The following PTPRD variants were observed in gnomAD, a reference collection of about 807,000 sequenced individuals.
PTPRD encodes receptor-type tyrosine-protein phosphatase delta.
PTPRD carries 34 observed loss-of-function variants against 214.5 expected under a neutral mutation model. The ratio of observed to expected loss-of-function variants is 0.16; its 90% CI spans 0.12 to 0.21. The LOEUF is 0.21. Ranked by LOEUF, PTPRD falls within the 10% of genes least tolerant of loss-of-function variation. The probability of loss-of-function intolerance (pLI) is 1.00; values close to 1 mark genes in which losing one functional copy is unlikely to be tolerated. For missense variants in PTPRD, 2,545 were observed against 2,398.7 expected, an observed-to-expected ratio of 1.06 and a Z score of -1.27; for synonymous variants, 1,128 against 845.7, an observed-to-expected ratio of 1.33 and a Z score of -5.79.
At position 10,082,842 on chromosome 9, in the gene PTPRD, C is replaced by CACACAA. The variant is rs1555566929; in HGVS notation, c.-544-49053_-544-49052insTTGTGT. Among the ~76,000 whole-genome samples, 117 of 117,684 alleles carry CACACAA rather than the reference C, an allele frequency of 9.9e-4. 1 individual carries two copies. The highest frequency in any genetic ancestry group is 4.0e-3 in the African/African-American group (112 of 28,016). The allele number at this position is 117,684 out of a possible 152,430, so 77.2% of individuals were successfully genotyped here. ...ACACACACACACACACACACACAAACACACACACACACACACACACACCCT... is the reference window on the plus strand; with the variant it reads ...ACACACACACACACACACACACAAACACACAAACACACACACACACACACACACCCT... On this transcript the variant is annotated intron_variant, in intron 3 of 45. Coordinates refer to ENST00000381196, the MANE Select transcript of PTPRD (RefSeq NM_002839.4).
chr9:8,826,516 G>A (rs1372430372), intron 11 of PTPRD, among the ~76,000 whole-genome samples: 1 of 151,920 alleles, frequency 6.6e-6, no homozygotes, highest in African/African-American at 2.4e-5. Flanking sequence ...GTTATTTCCT[G>A]CCTTTTATCC....
At chr9:8,577,283 T>C (rs1303573026) in intron 14 of PTPRD, among the ~76,000 whole-genome samples, 4 of 152,174 alleles carry the variant, frequency 2.6e-5, no homozygotes, top group African/African-American at 9.7e-5. Context: ...AGATGGAGTT[T>C]CGCTCTTGTT....
intron 12 of PTPRD, among the ~76,000 whole-genome samples, chr9:8,696,485 G>A (rs926066079): frequency 2.0e-5 from 3 of 152,184 alleles, no homozygotes; most frequent in Non-Finnish European, 4.4e-5. Context: ...ATCCAGATGG[G>A]ACGTGTTATG....
intron 7 of PTPRD, among the ~76,000 whole-genome samples, chr9:9,613,506 C>T (rs2094661452): frequency 2.0e-5 from 3 of 152,088 alleles, no homozygotes; most frequent in Non-Finnish European, 4.4e-5. Context: ...ATGATGTTTA[C>T]AGAAGGATCT....
At chr9:9,432,088 T>TAAC (rs1404227517) in intron 8 of PTPRD, among the ~76,000 whole-genome samples, 6 of 136,194 alleles carry the variant, frequency 4.4e-5, no homozygotes, top group African/African-American at 1.4e-4. Flanking sequence ...ATAATAATAA[T>TAAC]AAAAGAAACA....
intron 6 of PTPRD, among the ~76,000 whole-genome samples, chr9:9,757,004 G>T (rs1047088983): frequency 6.6e-6 from 1 of 152,092 alleles, no homozygotes; most frequent in Non-Finnish European, 1.5e-5. Flanking sequence ...TACTTTTATA[G>T]AATCACTGTT....
intron 3 of PTPRD, among the ~76,000 whole-genome samples, chr9:10,217,932 C>T (rs2099549101): frequency 6.6e-6 from 1 of 151,894 alleles, no homozygotes; most frequent in Non-Finnish European, 1.5e-5. Flanking sequence ...CCTGACTCTT[C>T]CCATAGAAGC....
At chr9:9,931,113 A>G (rs902646319) in intron 5 of PTPRD, among the ~76,000 whole-genome samples, 2 of 152,164 alleles carry the variant, frequency 1.3e-5, no homozygotes, top group Non-Finnish European at 2.9e-5. Flanking sequence ...TTATGAAACA[A>G]TTTAATTGAC....
At chr9:10,578,890 C>T (rs1014715131) in intron 2 of PTPRD, among the ~76,000 whole-genome samples, 1 of 152,036 alleles carries the variant, frequency 6.6e-6, no homozygotes, top group Admixed American at 6.6e-5. Flanking sequence ...TTTAAATCTA[C>T]ATTTTATCTT....
At chr9:10,036,942 G>T (rs2097195439) in intron 3 of PTPRD, among the ~76,000 whole-genome samples, 1 of 151,776 alleles carries the variant, frequency 6.6e-6, no homozygotes, top group African/African-American at 2.4e-5. Flanking sequence ...TGAGTGCAGT[G>T]GCATGATCAT....
Position 8,330,783 on chromosome 9 carries a change from G to A in PTPRD, c.5534+799C>T, listed in dbSNP as rs149756000. Among the ~76,000 whole-genome samples, 27 of 152,044 alleles carry A rather than the reference G, an allele frequency of 1.8e-4. 1 individual carries two copies. Among genetic ancestry groups the A allele is most frequent in the African/African-American group, 5.1e-4 (21 of 41,434 alleles). ...ATTTTGAGATCCTGCCTTCTATGTC[G>A]TAAAGAACTATAGTTTTCTTTGATG... On this transcript the variant is annotated intron_variant, in intron 44 of 45. Coordinates refer to ENST00000381196, the MANE Select transcript of PTPRD (RefSeq NM_002839.4).
chr9:8,831,433 G>A (rs977340444), intron 11 of PTPRD, among the ~76,000 whole-genome samples: 6 of 152,088 alleles, frequency 3.9e-5, no homozygotes, highest in African/African-American at 1.4e-4. Context: ...ACATTATACA[G>A]TCTACATACA....
intron 10 of PTPRD, among the ~76,000 whole-genome samples, chr9:9,178,833 C>G (rs950833605): frequency 6.6e-6 from 1 of 152,054 alleles, no homozygotes; most frequent in Admixed American, 6.6e-5. Flanking sequence ...TGGGAACATC[C>G]TGCTGAGCTT....
chr9:10,398,794 T>C (rs901373514), intron 2 of PTPRD, among the ~76,000 whole-genome samples: 4 of 152,002 alleles, frequency 2.6e-5, no homozygotes, highest in Admixed American at 2.0e-4. Context: ...TGCTATCATA[T>C]AATTATTACA....
At chr9:10,320,693 T>C (rs1597044146) in intron 3 of PTPRD, among the ~76,000 whole-genome samples, 2 of 152,078 alleles carry the variant, frequency 1.3e-5, no homozygotes, top group African/African-American at 2.4e-5. Flanking sequence ...ACTGAGACCA[T>C]TGATTTGAGG....
At chr9:9,004,499 T>C (rs563537724) in intron 11 of PTPRD, among the ~76,000 whole-genome samples, 1 of 151,990 alleles carries the variant, frequency 6.6e-6, no homozygotes, top group Non-Finnish European at 1.5e-5. Context: ...TACTTGGCTC[T>C]TGTTGGCTAA....
At chr9:9,826,747 T>C (rs1199566554) in intron 5 of PTPRD, among the ~76,000 whole-genome samples, 2 of 152,040 alleles carry the variant, frequency 1.3e-5, no homozygotes, top group Non-Finnish European at 2.9e-5. Context: ...TGATTATGTA[T>C]CTAGAAAACC....
intron 9 of PTPRD, among the ~76,000 whole-genome samples, chr9:9,229,078 C>T (rs541108226): frequency 3.3e-5 from 5 of 152,156 alleles, no homozygotes; most frequent in African/African-American, 1.2e-4. Context: ...ATGTGTTGAC[C>T]TTTTTGTTTC....
intron 4 of PTPRD, among the ~76,000 whole-genome samples, chr9:10,014,720 C>T (rs1236451056): frequency 6.6e-6 from 1 of 151,936 alleles, no homozygotes; most frequent in Non-Finnish European, 1.5e-5. Context: ...TGATTTGGAA[C>T]AAATGCATAT....
Sources: allele counts gnomAD v4.1 joint callset (sites outside exome capture counted in the v4.1 genomes callset), GRCh38; gene constraint gnomAD v4.1.1; transcripts MANE v1.5; gene names NCBI Gene and HGNC (gene_info 2026-07-23, HGNC 2026-07-21).